Variants in IQCK observed in about 807,000 individuals in gnomAD.
IQCK encodes IQ motif containing K, also known as IQ domain-containing protein K.
In IQCK, 29 loss-of-function variants were observed where a neutral mutation model predicts 28.1. The observed-to-expected ratio is 1.03, with a 90% CI of 0.77 to 1.41. The LOEUF (loss-of-function observed/expected upper bound fraction) is 1.41. IQCK is among the 40% of genes most tolerant of loss of function. IQCK has a pLI of 0.00. For synonymous variants in IQCK, 113 were observed against 115.1 expected (o/e 0.98, Z 0.12); for missense variants, 359 against 314.7 (o/e 1.14, Z -1.07).
chr16:19,775,102 C>T (rs1201474327), intron 6 of IQCK, among the ~76,000 whole-genome samples: 3 of 151,880 alleles, frequency 2.0e-5, no homozygotes, highest in Non-Finnish European at 4.4e-5. Context: ...TGGTGTGTGC[C>T]TGTAATCCCA....
At chr16:19,818,120 G>A (rs2056014092) in intron 7 of IQCK, among the ~76,000 whole-genome samples, 1 of 152,174 alleles carries the variant, frequency 6.6e-6, no homozygotes, top group Non-Finnish European at 1.5e-5. Context: ...CTCTAGGAGG[G>A]TTTGGGTTGC....
chr16:19,774,398 CTTTTT>C (rs1167894201), intron 6 of IQCK, among the ~76,000 whole-genome samples: 7 of 104,112 alleles, frequency 6.7e-5, no homozygotes, highest in East Asian at 3.3e-4. Context: ...TTAGCTAATA[CTTTTT>C]TTTTTTTTTT....
intron 7 of IQCK, among the ~76,000 whole-genome samples, chr16:19,805,693 G>T (rs1310281649): frequency 6.6e-6 from 1 of 152,112 alleles, no homozygotes; most frequent in Non-Finnish European, 1.5e-5. Context: ...CCACACCATG[G>T]GTTCTTCCTG....
chr16:19,775,944 C>T (rs528377969), intron 6 of IQCK, among the ~76,000 whole-genome samples: 243 of 124,530 alleles, frequency 2.0e-3, no homozygotes, highest in Non-Finnish European at 3.4e-3. Context: ...TGCAGTGGCA[C>T]GATCTAGGCT....
intron 6 of IQCK, among the ~76,000 whole-genome samples, chr16:19,779,479 A>G (rs1167600107): frequency 1.3e-5 from 2 of 152,106 alleles, no homozygotes; most frequent in East Asian, 1.9e-4. Flanking sequence ...AAAAATCACA[A>G]ATTATTGGGA....
intron 1 of IQCK, among the ~76,000 whole-genome samples, chr16:19,723,010 C>T (rs1567530676): frequency 6.6e-6 from 1 of 152,194 alleles, no homozygotes; most frequent in Non-Finnish European, 1.5e-5. Context: ...CCGCATCCGG[C>T]CTGCTTCCCT....
At chr16:19,829,339 T>C (rs2056199390), downstream of IQCK, among the ~76,000 whole-genome samples, 1 of 131,942 alleles carries the variant, frequency 7.6e-6, no homozygotes, top group East Asian at 2.0e-4. Context: ...TTCCTATTCC[T>C]TTTTTTTTTT....
At chr16:19,756,738 C>T (rs968492385) in intron 4 of IQCK, among the ~76,000 whole-genome samples, 10 of 151,820 alleles carry the variant, frequency 6.6e-5, no homozygotes, top group African/African-American at 2.4e-4. Context: ...TCTACTAAAA[C>T]TACAAAAAAT....
At chr16:19,828,075 G>A (rs986660739), downstream of IQCK, among the ~76,000 whole-genome samples, 11 of 151,656 alleles carry the variant, frequency 7.3e-5, no homozygotes, top group African/African-American at 2.2e-4. Context: ...ACCACGCCTG[G>A]GTAATTTTTG....
chr16:19,756,099 A>C (rs778157338), intron 4 of IQCK, among the ~76,000 whole-genome samples: 1 of 152,120 alleles, frequency 6.6e-6, no homozygotes, highest in Non-Finnish European at 1.5e-5. Context: ...CAGGAGGATC[A>C]CTTGAATCTG....
chr16:19,856,873 G>A, exon 10 of IQCK: 1 of 242,178 alleles, frequency 4.1e-6, no homozygotes, highest in Non-Finnish European at 7.9e-6. Context: ...ATACAGAAGT[G>A]CTCTTATTAC....
chr16:19,754,210 G>A (rs925880341), intron 4 of IQCK, among the ~76,000 whole-genome samples: 1 of 152,180 alleles, frequency 6.6e-6, no homozygotes, highest in African/African-American at 2.4e-5. Context: ...CCACACTGGG[G>A]CCGTGCCTTA....
chr16:19,830,604 A>G (rs2056219317), downstream of IQCK, among the ~76,000 whole-genome samples: 1 of 152,166 alleles, frequency 6.6e-6, no homozygotes, highest in Non-Finnish European at 1.5e-5. Context: ...AAACAAGCCA[A>G]TTCTGAAGTC....
intron 7 of IQCK, among the ~76,000 whole-genome samples, chr16:19,807,531 G>A (rs1206181124): frequency 1.3e-5 from 2 of 152,106 alleles, no homozygotes; most frequent in Non-Finnish European, 2.9e-5. Flanking sequence ...TCATCAACTG[G>A]CATCTGGTTG....
chr16:19,730,584 TTCAG>T, intron 2 of IQCK, 90 bp downstream of exon 2: 2 of 1,022,492 alleles, frequency 2.0e-6, no homozygotes, highest in Non-Finnish European at 2.7e-6. Context: ...TGTCACTGAG[TTCAG>T]GAGGTGGGAA....
intron 4 of IQCK, among the ~76,000 whole-genome samples, chr16:19,741,820 C>G (rs2054839410): frequency 2.6e-5 from 4 of 152,074 alleles, no homozygotes; most frequent in Admixed American, 2.6e-4. Flanking sequence ...AATCCCGTCT[C>G]TACTAAAAAT....
At chr16:19,833,468 C>T (rs1542919) in intron 9 of IQCK, among the ~76,000 whole-genome samples, 4 of 151,964 alleles carry the variant, frequency 2.6e-5, no homozygotes, top group Admixed American at 6.6e-5. Context: ...AAAGGAAATA[C>T]GATTATTAAT....
At chr16:19,777,458 A>G (rs1406321818) in intron 6 of IQCK, among the ~76,000 whole-genome samples, 1 of 151,696 alleles carries the variant, frequency 6.6e-6, no homozygotes, top group Non-Finnish European at 1.5e-5. Context: ...CTCTTGATAG[A>G]AAAAAAAATC....
At chr16:19,740,565 G>A (rs7187545) in intron 4 of IQCK, among the ~76,000 whole-genome samples, 7,832 of 152,204 alleles carry the variant, frequency 0.051, 664 homozygotes, top group African/African-American at 0.18. Context: ...TCTTGCTGTT[G>A]ACCAAAGTAT....
Sources: allele counts gnomAD v4.1 joint callset (sites outside exome capture counted in the v4.1 genomes callset), GRCh38; gene constraint gnomAD v4.1.1; transcripts MANE v1.5; gene names NCBI Gene and HGNC (gene_info 2026-07-23, HGNC 2026-07-21).